The following ZSCAN5A variants were observed in gnomAD, a reference collection of about 807,000 sequenced individuals.
ZSCAN5A encodes zinc finger and SCAN domain containing 5A.
ZSCAN5A carries 12 observed loss-of-function variants against 23.7 expected under a neutral mutation model. That is an observed-to-expected ratio of 0.51 (90% CI 0.32 to 0.82). The LOEUF (loss-of-function observed/expected upper bound fraction) is 0.82, where lower values mean the gene tolerates loss of function less well. Ranked by LOEUF, ZSCAN5A falls within the 40% of genes least tolerant of loss-of-function variation. The pLI, the probability that ZSCAN5A is intolerant of heterozygous loss-of-function variation, is 0.03. For missense variants in ZSCAN5A, 597 were observed against 617.9 expected (o/e 0.97, Z 0.36); for synonymous variants, 257 against 239.9 (o/e 1.07, Z -0.66).
chr19:56,313,312 T>C lies in ZSCAN5A; in HGVS notation c.-157A>G, dbSNP rs528542040. The C allele has an allele frequency of 1.2e-5, 4 of 340,392 alleles. No homozygotes were observed. The highest frequency in any genetic ancestry group is 9.1e-5 in the South Asian group (4 of 44,020). 21.1% of individuals were successfully genotyped at this position (340,392 alleles called of 1,614,324 possible). ...TCACGTGGCTGGGGAGGCCTCACAATCATGGCAGAAGGTCAAAGGCACGTC... is the reference window on the plus strand; with the variant it reads ...TCACGTGGCTGGGGAGGCCTCACAACCATGGCAGAAGGTCAAAGGCACGTC... On this transcript the variant is annotated 5_prime_UTR_variant, in exon 2 of 6. Transcript: ENST00000683990.
chr19:56,354,995 A>C (rs1043666071), intron 2 of ZSCAN5A, among the ~76,000 whole-genome samples: 2 of 152,216 alleles, frequency 1.3e-5, no homozygotes, highest in Non-Finnish European at 2.9e-5. Flanking sequence ...TGAGGACCCC[A>C]ACATTAATAT....
At chr19:56,228,721 TTTG>T (rs1351535292) in intron 2 of ZSCAN5A, among the ~76,000 whole-genome samples, 1 of 152,228 alleles carries the variant, frequency 6.6e-6, no homozygotes. Context: ...AGAGACAGTC[TTTG>T]TTGATACATA....
At chr19:56,247,431 T>G (rs923543391) in intron 2 of ZSCAN5A, 2 of 173,986 alleles carry the variant, frequency 1.1e-5, no homozygotes, top group African/African-American at 4.8e-5. Flanking sequence ...TTCGTCGGCC[T>G]GAAACGTTAA....
chr19:56,293,511 C>G (rs2039655362), intron 2 of ZSCAN5A, among the ~76,000 whole-genome samples: 1 of 152,118 alleles, frequency 6.6e-6, no homozygotes, highest in South Asian at 2.1e-4. Flanking sequence ...GAAAGAGGAA[C>G]TGGCAGAGAG....
At chr19:56,239,010 T>C (rs1453697284) in intron 2 of ZSCAN5A, among the ~76,000 whole-genome samples, 1 of 152,208 alleles carries the variant, frequency 6.6e-6, no homozygotes. Context: ...TCACAAAGTA[T>C]GAGAAAATGC....
At chr19:56,334,175 C>A (rs2041514518) in intron 2 of ZSCAN5A, among the ~76,000 whole-genome samples, 1 of 152,148 alleles carries the variant, frequency 6.6e-6, no homozygotes, top group African/African-American at 2.4e-5. Flanking sequence ...GTGTGACTAG[C>A]CATGGAGATC....
At chr19:56,364,717 C>T (rs754076918) in intron 1 of ZSCAN5A, among the ~76,000 whole-genome samples, 2 of 152,180 alleles carry the variant, frequency 1.3e-5, no homozygotes, top group Non-Finnish European at 2.9e-5. Context: ...CTAACTGGTA[C>T]ATTCATGCAA....
At chr19:56,319,683 G>A (rs756896394), upstream of ZSCAN5A, 2 of 583,544 alleles carry the variant, frequency 3.4e-6, no homozygotes, top group Non-Finnish European at 6.2e-6. Flanking sequence ...GCTTTTCTTT[G>A]TCCTTAAAGG....
At chr19:56,295,537 G>A (rs566954956) in intron 2 of ZSCAN5A, among the ~76,000 whole-genome samples, 114 of 152,262 alleles carry the variant, frequency 7.5e-4, no homozygotes, top group East Asian at 3.9e-3. Flanking sequence ...AGAAGTTGCA[G>A]TGAGCCGAGA....
rs569800559 is a variant in ZSCAN5A at position 56,249,496 on chromosome 19, T to C, written c.-127-24323A>G. Among the ~76,000 whole-genome samples the C allele has an allele frequency of 4.6e-5, 7 of 152,346 alleles. No individual in the cohort carries two copies. In the East Asian group the frequency reaches 1.3e-3, roughly 29 times the overall value. On this transcript the variant is annotated intron_variant, in intron 2 of 5. Coordinates refer to ENST00000683990, the MANE Select transcript of ZSCAN5A (RefSeq NM_001322064.3). ...CATGTTGGCCAGGCTGGTCTGGAGC[T>C]TCTGATCTTGGGTGATCTGCCTGGC...
intron 2 of ZSCAN5A, among the ~76,000 whole-genome samples, chr19:56,330,325 T>C (rs531802764): frequency 6.6e-6 from 1 of 152,336 alleles, no homozygotes; most frequent in East Asian, 1.9e-4. Flanking sequence ...GGTACAAAAA[T>C]TTATTTTCTT....
intron 2 of ZSCAN5A, among the ~76,000 whole-genome samples, chr19:56,300,727 G>A (rs930210494): frequency 2.6e-5 from 4 of 151,806 alleles, no homozygotes; most frequent in Non-Finnish European, 4.4e-5. Context: ...TTTCGTTTTC[G>A]ATTTGCATTT....
At chr19:56,282,257 G>C (rs967271876) in intron 2 of ZSCAN5A, among the ~76,000 whole-genome samples, 29 of 152,114 alleles carry the variant, frequency 1.9e-4, no homozygotes, top group Non-Finnish European at 4.4e-5. Flanking sequence ...CAGGCCACTG[G>C]TACCCCTGAA....
upstream of ZSCAN5A, chr19:56,319,781 C>G: frequency 1.3e-6 from 1 of 771,568 alleles, no homozygotes; most frequent in East Asian, 2.4e-5. Flanking sequence ...AGCCCGGTCC[C>G]TCCTGTAACT....
chr19:56,303,931 G>A (rs1012966697), intron 2 of ZSCAN5A, among the ~76,000 whole-genome samples: 1 of 152,166 alleles, frequency 6.6e-6, no homozygotes, highest in African/African-American at 2.4e-5. Context: ...GGAACACACT[G>A]AGTACCTTCG....
chr19:56,274,930 G>A (rs766037009), intron 2 of ZSCAN5A: 1 of 152,166 alleles, frequency 6.6e-6, no homozygotes, highest in Non-Finnish European at 1.5e-5. Context: ...GAAGAGCTCT[G>A]ATCAGTTGTT....
At chr19:56,238,004 T>TGG (rs1568627693) in intron 2 of ZSCAN5A, among the ~76,000 whole-genome samples, 106 of 5,432 alleles carry the variant, frequency 0.02, no homozygotes, top group East Asian at 0.042. Flanking sequence ...TACGCACACA[T>TGG]ACACACACAC....
intron 2 of ZSCAN5A, among the ~76,000 whole-genome samples, chr19:56,281,163 C>G (rs1313322147): frequency 6.6e-6 from 1 of 152,078 alleles, no homozygotes; most frequent in Non-Finnish European, 1.5e-5. Context: ...GTTTACTCTT[C>G]ATTAAGTGGA....
chr19:56,286,445 C>T (rs572414686), intron 2 of ZSCAN5A: 1 of 152,010 alleles, frequency 6.6e-6, no homozygotes, highest in East Asian at 1.9e-4. Flanking sequence ...CCACACCTCC[C>T]ATTCTTCAAA....
Sources: gnomAD v4.1 joint callset for allele counts (sites outside exome capture counted in the v4.1 genomes callset) on GRCh38, gnomAD v4.1.1 for gene constraint, MANE v1.5 for transcripts, NCBI Gene and HGNC (gene_info 2026-07-23, HGNC 2026-07-21) for gene names.